The following MGAT4C variants were observed in gnomAD, a reference collection of about 807,000 sequenced individuals.
MGAT4C encodes alpha-1,3-mannosyl-glycoprotein 4-beta-N-acetylglucosaminyltransferase C.
MGAT4C carries 19 observed loss-of-function variants against 40.1 expected under a neutral mutation model. That is an observed-to-expected ratio of 0.47 (90% CI 0.33 to 0.70). The LOEUF (loss-of-function observed/expected upper bound fraction) is 0.70, where lower values mean the gene tolerates loss of function less well. Ranked by LOEUF, MGAT4C falls within the 30% of genes least tolerant of loss-of-function variation. The pLI, the probability that MGAT4C is intolerant of heterozygous loss-of-function variation, is 0.02. For synonymous variants in MGAT4C, 181 were observed against 187.1 expected, an observed-to-expected ratio of 0.97 and a Z score of 0.27; for missense variants, 491 against 563.2, an observed-to-expected ratio of 0.87 and a Z score of 1.30.
At chr12:86,006,937 GTTCC>G (rs1402821969) in intron 2 of MGAT4C, among the ~76,000 whole-genome samples, 1 of 152,066 alleles carries the variant, frequency 6.6e-6, no homozygotes, top group Non-Finnish European at 1.5e-5. Context: ...CCTCCATGAA[GTTCC>G]TTGAATAAAG....
At chr12:86,112,634 G>A (rs369037471) in intron 1 of MGAT4C, among the ~76,000 whole-genome samples, 230 of 151,616 alleles carry the variant, frequency 1.5e-3, no homozygotes, top group African/African-American at 5.3e-3. Context: ...AATGACCAAC[G>A]AAGTATTAAC....
rs796549436 is a variant in MGAT4C, at chr12:86,293,108, C to T, written c.-57+40957G>A. 4.4e-4 allele frequency among the ~76,000 whole-genome samples: 67 copies of T among 152,066 alleles called. 1 individual carries two copies. Among genetic ancestry groups the T allele is most frequent in the African/African-American group, 1.3e-3 (56 of 41,484 alleles). On this transcript the variant is annotated intron_variant, in intron 4 of 7. Coordinates refer to the MGAT4C transcript ENST00000548651. ...TTTCTATAACAGATATGCTGTTTAG[C>T]GCTGATTATTTAAAAGTTCAATTTT...
chr12:86,315,643 T>C (rs1041286138), intron 4 of MGAT4C, among the ~76,000 whole-genome samples: 3 of 152,008 alleles, frequency 2.0e-5, no homozygotes, highest in Non-Finnish European at 4.4e-5. Flanking sequence ...GAGGCGGAGC[T>C]TGCAGTGAGC....
chr12:86,150,062 G>A (rs1276864990), intron 1 of MGAT4C, among the ~76,000 whole-genome samples: 1 of 152,130 alleles, frequency 6.6e-6, no homozygotes, highest in African/African-American at 2.4e-5. Flanking sequence ...GGTGGAAGAT[G>A]GTTTCAGGAT....
intron 1 of MGAT4C, among the ~76,000 whole-genome samples, chr12:86,065,351 C>G (rs1894433009): frequency 6.6e-6 from 1 of 152,090 alleles, no homozygotes; most frequent in African/African-American, 2.4e-5. Flanking sequence ...CACATCAAAG[C>G]TTATCCACCA....
intron 2 of MGAT4C, among the ~76,000 whole-genome samples, chr12:86,441,480 A>G (rs1043449261): frequency 9.2e-5 from 13 of 141,214 alleles, no homozygotes; most frequent in Admixed American, 3.5e-4. Context: ...TACACCTCCT[A>G]ATGCTTTCCC....
chr12:86,623,461 A>G (rs1199714133), intron 2 of MGAT4C, among the ~76,000 whole-genome samples: 1 of 152,174 alleles, frequency 6.6e-6, no homozygotes, highest in East Asian at 1.9e-4. Context: ...AAATGTATCA[A>G]TGAACAAAGA....
At chr12:86,589,123 C>T (rs1961205120) in intron 2 of MGAT4C, among the ~76,000 whole-genome samples, 1 of 151,420 alleles carries the variant, frequency 6.6e-6, no homozygotes, top group African/African-American at 2.4e-5. Flanking sequence ...AGCTGGTTTT[C>T]TGAAAGGATC....
chr12:86,312,833 CTGTCAT>C (rs1229208015), intron 4 of MGAT4C, among the ~76,000 whole-genome samples: 1 of 152,232 alleles, frequency 6.6e-6, no homozygotes, highest in East Asian at 1.9e-4. Context: ...GGCCCATCAA[CTGTCAT>C]TGTAGGGAAG....
chr12:86,330,217 G>T (rs1463156280), intron 4 of MGAT4C, among the ~76,000 whole-genome samples: 1 of 152,102 alleles, frequency 6.6e-6, no homozygotes, highest in East Asian at 1.9e-4. Flanking sequence ...AGGCCAAAAA[G>T]AATCTGAACA....
At chr12:86,829,576 T>A (rs1296071191) in intron 1 of MGAT4C, among the ~76,000 whole-genome samples, 3 of 151,446 alleles carry the variant, frequency 2.0e-5, no homozygotes, top group Non-Finnish European at 4.4e-5. Context: ...CTCATCTTAT[T>A]TCAAACAAAA....
intron 2 of MGAT4C, among the ~76,000 whole-genome samples, chr12:86,630,700 C>A (rs1212439745): frequency 6.6e-6 from 1 of 152,166 alleles, no homozygotes; most frequent in Admixed American, 6.5e-5. Flanking sequence ...CAAAATTCAA[C>A]AACACTTCAT....
intron 1 of MGAT4C, among the ~76,000 whole-genome samples, chr12:86,792,369 A>G (rs1401122921): frequency 6.6e-6 from 1 of 152,156 alleles, no homozygotes; most frequent in Non-Finnish European, 1.5e-5. Context: ...GAAAGGTGAC[A>G]CTTGCCTAGA....
At chr12:86,354,618 T>G (rs969685371) in intron 3 of MGAT4C, among the ~76,000 whole-genome samples, 1 of 152,072 alleles carries the variant, frequency 6.6e-6, no homozygotes, top group Non-Finnish European at 1.5e-5. Context: ...GGAAATGAAA[T>G]GACAAAGGAA....
At chr12:86,126,064 A>G (rs1880204537) in intron 1 of MGAT4C, among the ~76,000 whole-genome samples, 1 of 152,060 alleles carries the variant, frequency 6.6e-6, no homozygotes, top group African/African-American at 2.4e-5. Context: ...TACCTATGAA[A>G]AGACAAGGAT....
intron 3 of MGAT4C, among the ~76,000 whole-genome samples, chr12:86,406,847 C>G (rs899313124): frequency 3.3e-5 from 5 of 152,064 alleles, no homozygotes; most frequent in African/African-American, 9.7e-5. Context: ...ATATTTTACA[C>G]GTCAAGTAAT....
chr12:86,390,433 G>T (rs563676557), intron 3 of MGAT4C, among the ~76,000 whole-genome samples: 1 of 151,972 alleles, frequency 6.6e-6, no homozygotes, highest in Non-Finnish European at 1.5e-5. Context: ...AATCTAGTCT[G>T]GGAAAATATT....
chr12:86,043,203 G>A (rs1331002246), intron 2 of MGAT4C, among the ~76,000 whole-genome samples: 1 of 152,188 alleles, frequency 6.6e-6, no homozygotes, highest in Non-Finnish European at 1.5e-5. Context: ...TATGATAGAT[G>A]TATATATAAA....
At chr12:86,313,089 AAC>A (rs772911174) in intron 4 of MGAT4C, among the ~76,000 whole-genome samples, 2 of 152,204 alleles carry the variant, frequency 1.3e-5, no homozygotes, top group Non-Finnish European at 2.9e-5. Flanking sequence ...TATGATAATC[AAC>A]AGTTAGCAAA....
Sources: allele counts gnomAD v4.1 joint callset (sites outside exome capture counted in the v4.1 genomes callset), GRCh38; gene constraint gnomAD v4.1.1; transcripts MANE v1.5; gene names NCBI Gene and HGNC (gene_info 2026-07-23, HGNC 2026-07-21).